KMT2C: variants seen among roughly 807,000 people sequenced by gnomAD.
KMT2C encodes the protein lysine methyltransferase 2C.
KMT2C carries 88 observed loss-of-function variants against 507.9 expected under a neutral mutation model. The observed-to-expected ratio is 0.17, with a 90% CI of 0.15 to 0.21. KMT2C has a LOEUF of 0.21. KMT2C is among the 10% of genes least tolerant of loss of function. The pLI is 1.00. For missense variants in KMT2C, 4,954 were observed against 5,957.8 expected, an observed-to-expected ratio of 0.83 and a Z score of 5.55; for synonymous variants, 2,049 against 2,080.8, an observed-to-expected ratio of 0.98 and a Z score of 0.42.
intron 1 of KMT2C, chr7:152,368,128 A>G: frequency 1.1e-6 from 1 of 935,076 alleles, no homozygotes; most frequent in Non-Finnish European, 1.8e-6. Context: ...AGTTAATGGC[A>G]AAAGGGTCAA....
At position 152,136,412 on chromosome 7, in the gene KMT2C, T is replaced by C. The variant is rs2089876876; in HGVS notation, c.*420A>G. On this transcript the variant is annotated 3_prime_UTR_variant, in exon 59 of 59. Coordinates refer to ENST00000262189, the MANE Select transcript of KMT2C (RefSeq NM_170606.3). Reference sequence around the variant, plus strand: ...ACTCTCTGTCCCCCTCGCTGGTGATTTCAGTCTTACATTCATAGGAAGGCC... The same window carrying C: ...ACTCTCTGTCCCCCTCGCTGGTGATCTCAGTCTTACATTCATAGGAAGGCC... The C allele has an allele frequency of 5.5e-5, 13 of 235,810 alleles. No homozygotes were observed. The East Asian group carries it at 8.1e-4, about 15-fold the overall frequency. The allele number at this position is 235,810 out of a possible 1,614,324, so 14.6% of individuals were successfully genotyped here.
intron 3 of KMT2C, among the ~76,000 whole-genome samples, chr7:152,315,832 G>C (rs779015566): frequency 3.9e-5 from 6 of 152,094 alleles, no homozygotes; most frequent in Non-Finnish European, 7.4e-5. Context: ...CACCTCGCTT[G>C]TATCCGGGAG....
Position 152,307,278 on chromosome 7 carries a change from A to AAGGAAGGAAGG in KMT2C, c.849+2687_849+2688insCCTTCCTTCCT, listed in dbSNP as rs2096628579. On this transcript the variant is annotated intron_variant, in intron 6 of 58. Coordinates refer to ENST00000262189, the MANE Select transcript of KMT2C (RefSeq NM_170606.3). Reference sequence around the variant, plus strand: ...GGTAGGAAGGAAGGAAGGAAGAAAGAAAGGAAGGAAGGAAGGAAGGAAGGA... The same window carrying AAGGAAGGAAGG: ...GGTAGGAAGGAAGGAAGGAAGAAAGAAGGAAGGAAGGAAGGAAGGAAGGAAGGAAGGAAGGA... 4.7e-5 allele frequency among the ~76,000 whole-genome samples: 5 copies of AAGGAAGGAAGG among 107,454 alleles called. 1 individual carries two copies. Among genetic ancestry groups the AAGGAAGGAAGG allele is most frequent in the African/African-American group, 1.7e-4 (4 of 23,022 alleles). 70.5% of individuals were successfully genotyped at this position (107,454 alleles called of 152,430 possible).
chr7:152,155,997 A>G lies in KMT2C; in HGVS notation c.11873T>C (p.Leu3958Ser). The change falls in exon 46 of 59, where the codon TTG (leucine) becomes TCG (serine). Residue 3958 changes from leucine to serine, a missense_variant. Leu to Ser is a moderately radical substitution (Grantham distance 145). Coordinates refer to ENST00000262189, the MANE Select transcript of KMT2C (RefSeq NM_170606.3). ...GGGGCCCTGAGCAAGAGCTCGGGCC[A>G]ACAAGTCGTCCTGGGGTCTGAAGGG... Reference protein sequence around the residue: ...QLPFRPQDDLLARALAQGPKT... With the variant: ...QLPFRPQDDLSARALAQGPKT... The G allele has an allele frequency of 1.2e-6, 2 of 1,610,252 alleles. No individual in the cohort carries two copies. The highest frequency in any genetic ancestry group is 1.7e-6 in the Non-Finnish European group (2 of 1,179,190).
At chr7:152,175,916 G>A (rs1405796784) in intron 38 of KMT2C, among the ~76,000 whole-genome samples, 1 of 152,120 alleles carries the variant, frequency 6.6e-6, no homozygotes, top group Non-Finnish European at 1.5e-5. Flanking sequence ...GGTGGCACGT[G>A]TCTGTAGTCC....
At chr7:152,286,122 C>T (rs1184242714) in intron 6 of KMT2C, among the ~76,000 whole-genome samples, 1 of 152,298 alleles carries the variant, frequency 6.6e-6, no homozygotes, top group Non-Finnish European at 1.5e-5. Flanking sequence ...TTCTGAGGAA[C>T]TAAAAGTAAA....
intron 6 of KMT2C, among the ~76,000 whole-genome samples, chr7:152,294,911 T>A (rs751787636): frequency 1.3e-5 from 2 of 152,200 alleles, no homozygotes; most frequent in African/African-American, 2.4e-5. Context: ...TTTCTCTTCT[T>A]GTTCTCCAAA....
At chr7:152,409,709 T>C (rs11509173) in intron 1 of KMT2C, among the ~76,000 whole-genome samples, 100 of 151,398 alleles carry the variant, frequency 6.6e-4, no homozygotes, top group African/African-American at 2.3e-3. Context: ...CCAGCCTGGG[T>C]GACAGAGCAA....
In KMT2C at chr7:152,181,571, G is replaced by T. The variant is rs769437118; in HGVS notation, c.6289C>A (p.Pro2097Thr). Residue 2097 changes from proline to threonine, a missense_variant, in exon 36 of 59, where the codon CCT becomes ACT. Physicochemically the swap from Pro to Thr is conservative, Grantham distance 38 (BLOSUM62 -1). Transcript: ENST00000262189. The stretch of plus-strand genomic sequence containing the variant: ...ACTGCTGGATGTGGGGTAAGGGGAG[G>T]CTGACTATATGGATCATTTGACTGA... ...HNQSNDPYSQ[P>T]PLTPHPAVNE... is the part of the protein sequence containing the mutation. The T allele has an allele frequency of 1.2e-6, 2 of 1,613,888 alleles. No homozygotes were observed. Among genetic ancestry groups the T allele is most frequent in the African/African-American group, 2.7e-5 (2 of 74,858 alleles).
Position 152,251,944 on chromosome 7 carries a change from G to A in KMT2C, c.1616C>T (p.Thr539Ile). Reference protein sequence around the residue: ...PGEEVEIAELTTDYNNEMEVE... With the variant: ...PGEEVEIAELITDYNNEMEVE... ...AAAATCATTCTCAAATTTACCTGTA[G>A]TGAGCTCAGCTATCTCCACTTCCTC... The change falls in exon 11 of 59, where the codon ACT becomes ATT. Residue 539 changes from threonine to isoleucine, a missense_variant. Physicochemically the swap from Thr to Ile is moderately conservative, Grantham distance 89. Coordinates refer to ENST00000262189, the MANE Select transcript of KMT2C (RefSeq NM_170606.3). 6.3e-7 allele frequency: 1 copy of A among 1,594,138 alleles called. No homozygotes were observed. The highest frequency in any genetic ancestry group is 1.8e-5 in the Admixed American group (1 of 56,852).
chr7:152,250,989 T>C (rs113992595), intron 11 of KMT2C, 23 bp from the exon 12 acceptor site: 2 of 1,338,446 alleles, frequency 1.5e-6, no homozygotes, highest in Non-Finnish European at 2.1e-6. Context: ...TTATTAATTC[T>C]TTAGCTCAGA....
rs2129119997 is a variant in KMT2C, at chr7:152,181,467, G to A, written c.6393C>T (p.Tyr2131=). The A allele has an allele frequency of 6.2e-7, 1 of 1,614,056 alleles. No homozygotes were observed. The highest frequency in any genetic ancestry group is 8.5e-7 in the Non-Finnish European group (1 of 1,180,002). Reference sequence around the variant, plus strand: ...GTCGTGGAGTTCCTGGGGGTTGGGAGTATGGGTCCTGAGATGTTGGCCTTG... The same window carrying A: ...GTCGTGGAGTTCCTGGGGGTTGGGAATATGGGTCCTGAGATGTTGGCCTTG... The part of the protein sequence containing the change: ...TISRPTSQDP[Y]SQPPGTPRPV... The change falls in exon 36 of 59, where the codon TAC becomes TAT. Residue 2131 remains tyrosine, a synonymous_variant. Transcript: ENST00000262189.
intron 1 of KMT2C, among the ~76,000 whole-genome samples, chr7:152,377,695 A>G (rs1161371597): frequency 6.7e-6 from 1 of 149,752 alleles, no homozygotes; most frequent in East Asian, 2.0e-4. Flanking sequence ...AGATCGCACC[A>G]CTGCACTCCA....
intron 14 of KMT2C, among the ~76,000 whole-genome samples, chr7:152,239,807 C>A (rs2095351012): frequency 6.6e-6 from 1 of 152,038 alleles, no homozygotes; most frequent in Non-Finnish European, 1.5e-5. Flanking sequence ...AATTAAGTAA[C>A]CAAAACTTAA....
intron 1 of KMT2C, chr7:152,366,902 G>A: frequency 2.3e-6 from 1 of 427,214 alleles, no homozygotes; most frequent in Non-Finnish European, 4.2e-6. Context: ...GGCGCGAGCT[G>A]GCGCTGCGAG....
intron 1 of KMT2C, among the ~76,000 whole-genome samples, chr7:152,359,877 C>T (rs1196244264): frequency 4.0e-5 from 6 of 151,316 alleles, no homozygotes; most frequent in African/African-American, 7.3e-5. Context: ...GGTGAAACTC[C>T]GTCTCTACTA....
intron 1 of KMT2C, among the ~76,000 whole-genome samples, chr7:152,362,705 T>G (rs530693089): frequency 1.3e-5 from 2 of 152,264 alleles, no homozygotes; most frequent in Non-Finnish European, 2.9e-5. Flanking sequence ...CATCACTGTC[T>G]ATGCTGTTGT....
rs753425356 is a variant in KMT2C at position 152,178,011 on chromosome 7, CT to C, written c.7443-2del. The C allele has an allele frequency of 6.0e-4, 182 of 302,678 alleles. 3 individuals carry two copies. The highest frequency in any genetic ancestry group is 1.8e-3 in the South Asian group (16 of 8,934). The allele number at this position is 302,678 out of a possible 1,614,324, so 18.7% of individuals were successfully genotyped here. ...ATGACTACCTCCTGGAAATCCAAATCTTTTAAAAAAAAAAAAAAAAAAAAAA... is the reference window on the plus strand; with the variant it reads ...ATGACTACCTCCTGGAAATCCAAATCTTTAAAAAAAAAAAAAAAAAAAAAA... On this transcript the variant is annotated splice_acceptor_variant, in intron 37 of 58. Transcript: ENST00000262189. LOFTEE classifies it high-confidence loss of function.
intron 1 of KMT2C, among the ~76,000 whole-genome samples, chr7:152,418,071 G>C (rs1396175856): frequency 6.6e-6 from 1 of 151,782 alleles, no homozygotes; most frequent in Non-Finnish European, 1.5e-5. Context: ...TTCCCAAGTA[G>C]CTGGGACTAC....
Sources: allele counts gnomAD v4.1 joint callset (sites outside exome capture counted in the v4.1 genomes callset), GRCh38; gene constraint gnomAD v4.1.1; transcripts MANE v1.5; gene names NCBI Gene and HGNC (gene_info 2026-07-23, HGNC 2026-07-21).